The following PDE6D variants were observed in gnomAD, a reference collection of about 807,000 sequenced individuals.
PDE6D encodes phosphodiesterase 6D, also known as retinal rod rhodopsin-sensitive cGMP 3',5'-cyclic phosphodiesterase subunit delta.
PDE6D carries 10 observed loss-of-function variants against 21.9 expected under a neutral mutation model. The ratio of observed to expected loss-of-function variants is 0.46; its 90% CI spans 0.28 to 0.78. The LOEUF (loss-of-function observed/expected upper bound fraction) is 0.78, where lower values mean the gene tolerates loss of function less well. PDE6D is among the 30% of genes least tolerant of loss of function. The pLI is 0.12. For synonymous variants in PDE6D, 59 were observed against 63.5 expected, an observed-to-expected ratio of 0.93 and a Z score of 0.34; for missense variants, 139 against 184.8, an observed-to-expected ratio of 0.75 and a Z score of 1.44.
At chr2:231,770,691 A>G (rs2049008001) in intron 1 of PDE6D, among the ~76,000 whole-genome samples, 1 of 152,022 alleles carries the variant, frequency 6.6e-6, no homozygotes, top group Non-Finnish European at 1.5e-5. Flanking sequence ...GGTGGCTCAC[A>G]CCTGTAATCC....
chr2:231,781,043 C>T (rs1262463754), intron 1 of PDE6D, 22 bp downstream of exon 1: 1 of 1,608,222 alleles, frequency 6.2e-7, no homozygotes, highest in South Asian at 1.1e-5. Flanking sequence ...CTCCCGGCCC[C>T]GCCCCGCTCC....
At chr2:231,773,413 C>G (rs997678215) in intron 1 of PDE6D, among the ~76,000 whole-genome samples, 2 of 152,158 alleles carry the variant, frequency 1.3e-5, no homozygotes, top group Non-Finnish European at 2.9e-5. Context: ...GGTTGTCAGA[C>G]AAAACCTATA....
At chr2:231,766,437 A>T (rs1252801705) in intron 1 of PDE6D, among the ~76,000 whole-genome samples, 2 of 152,216 alleles carry the variant, frequency 1.3e-5, no homozygotes, top group Non-Finnish European at 2.9e-5. Flanking sequence ...GAAGAGACAT[A>T]TCCAAAGAGA....
intron 1 of PDE6D, among the ~76,000 whole-genome samples, chr2:231,750,065 AT>A (rs1160580657): frequency 6.6e-6 from 1 of 152,018 alleles, no homozygotes; most frequent in East Asian, 1.9e-4. Flanking sequence ...TAATTGAATC[AT>A]GGGGGCTGGT....
At chr2:231,749,769 G>T (rs576296008) in intron 1 of PDE6D, among the ~76,000 whole-genome samples, 1 of 152,150 alleles carries the variant, frequency 6.6e-6, no homozygotes, top group East Asian at 1.9e-4. Flanking sequence ...CCTGACCTCA[G>T]GTGATCCAGC....
At chr2:231,733,138 A>G (rs779184827) in intron 4 of PDE6D, 105 bp from the exon 5 acceptor site, 50 of 754,656 alleles carry the variant, frequency 6.6e-5, no homozygotes, top group Non-Finnish European at 1.2e-4. Context: ...GCCAATGGAC[A>G]TGCACCCACC....
chr2:231,781,137 G>A lies in PDE6D; in HGVS notation c.-23C>T. ...CATGATGCGGCGGTCGCCGCCCGCG[G>A]CTTTCTCACTCTGGTCGGCGGAGCC... On this transcript the variant is annotated 5_prime_UTR_variant, in exon 1 of 5. Transcript: ENST00000287600. 1 of 1,611,704 alleles carries A rather than the reference G, an allele frequency of 6.2e-7. No individual in the cohort carries two copies. Among genetic ancestry groups the A allele is most frequent in the East Asian group, 2.2e-5 (1 of 44,820 alleles).
chr2:231,760,117 A>G (rs2048914604), intron 1 of PDE6D, among the ~76,000 whole-genome samples: 1 of 152,242 alleles, frequency 6.6e-6, no homozygotes, highest in Non-Finnish European at 1.5e-5. Context: ...CAGCTGGTAT[A>G]CTTTATCAGC....
intron 1 of PDE6D, among the ~76,000 whole-genome samples, chr2:231,754,573 T>C (rs532850028): frequency 6.7e-6 from 1 of 149,438 alleles, no homozygotes; most frequent in Admixed American, 6.8e-5. Context: ...GGTTTCACAA[T>C]GTTGGCCAGG....
chr2:231,757,909 T>C (rs887725952), intron 1 of PDE6D, among the ~76,000 whole-genome samples: 2 of 151,858 alleles, frequency 1.3e-5, no homozygotes, highest in Admixed American at 6.6e-5. Context: ...GCAGCACATA[T>C]ACTAAAATTG....
intron 1 of PDE6D, among the ~76,000 whole-genome samples, chr2:231,746,351 C>T (rs1191184005): frequency 1.3e-5 from 2 of 152,096 alleles, no homozygotes; most frequent in African/African-American, 2.4e-5. Flanking sequence ...CTATGTTGCC[C>T]AGGCTGGTCT....
chr2:231,767,855 T>TC (rs2048984538), intron 1 of PDE6D, among the ~76,000 whole-genome samples: 1 of 150,528 alleles, frequency 6.6e-6, no homozygotes, highest in Non-Finnish European at 1.5e-5. Context: ...TTTTTTTTTT[T>TC]CCAGACAAGT....
intron 1 of PDE6D, among the ~76,000 whole-genome samples, chr2:231,753,421 C>T (rs942885320): frequency 6.6e-6 from 1 of 151,730 alleles, no homozygotes; most frequent in Non-Finnish European, 1.5e-5. Flanking sequence ...CGTGGCGGCA[C>T]GCGCCTGTAG....
chr2:231,733,627 T>A (rs2048669619), intron 4 of PDE6D, among the ~76,000 whole-genome samples: 1 of 152,170 alleles, frequency 6.6e-6, no homozygotes, highest in African/African-American at 2.4e-5. Flanking sequence ...TTGAGCAAGA[T>A]CCTTCCTGTA....
intron 1 of PDE6D, among the ~76,000 whole-genome samples, chr2:231,775,153 A>T (rs2049044838): frequency 6.6e-6 from 1 of 151,886 alleles, no homozygotes; most frequent in Non-Finnish European, 1.5e-5. Context: ...GCCTCAAGTG[A>T]TCTGCCCACC....
At chr2:231,761,455 C>T (rs1346794084) in intron 1 of PDE6D, among the ~76,000 whole-genome samples, 5 of 152,194 alleles carry the variant, frequency 3.3e-5, no homozygotes, top group Non-Finnish European at 4.4e-5. Flanking sequence ...GGATTACAGG[C>T]GTGAGCCACC....
chr2:231,757,456 C>T (rs1189613112), intron 1 of PDE6D, among the ~76,000 whole-genome samples: 2 of 152,158 alleles, frequency 1.3e-5, no homozygotes, highest in Non-Finnish European at 2.9e-5. Context: ...TGCGACCACG[C>T]CCAGCTAATT....
At chr2:231,749,775 C>T (rs1035805901) in intron 1 of PDE6D, among the ~76,000 whole-genome samples, 1 of 152,074 alleles carries the variant, frequency 6.6e-6, no homozygotes, top group South Asian at 2.1e-4. Flanking sequence ...CTCAGGTGAT[C>T]CAGCTGCCTT....
rs144803085 is a variant in PDE6D, at chr2:231,739,637, G to GA, written c.51-450_51-449insT. 6.9e-6 allele frequency among the ~76,000 whole-genome samples: 1 copy of GA among 145,792 alleles called. No homozygotes were observed. The highest frequency in any genetic ancestry group is 2.5e-5 in the African/African-American group (1 of 39,986). On this transcript the variant is annotated intron_variant, in intron 1 of 4. Transcript: ENST00000287600. This position sits in a 1 kb window ranked among gnomAD's most constrained non-coding sequence, Gnocchi z 4.2. ...AAATTGCTTTGTAGTGGCCCCCTCT[G>GA]TTTTTTTTTTTTGAAACAGAGTCTC...
Sources: allele counts gnomAD v4.1 joint callset (sites outside exome capture counted in the v4.1 genomes callset), GRCh38; gene constraint gnomAD v4.1.1; non-coding constraint Gnocchi (gnomAD v3.1); transcripts MANE v1.5; gene names NCBI Gene and HGNC (gene_info 2026-07-23, HGNC 2026-07-21).